ANK2: variants seen among roughly 807,000 people sequenced by gnomAD.
ANK2 encodes the protein ankyrin-2.
A neutral mutation model predicts 360.5 loss-of-function variants in ANK2; 83 were observed. The ratio of observed to expected loss-of-function variants is 0.23; its 90% CI spans 0.19 to 0.28. The LOEUF is 0.28. Ranked by LOEUF, ANK2 falls within the 10% of genes least tolerant of loss-of-function variation. The probability of loss-of-function intolerance (pLI) is 1.00; values close to 1 mark genes in which losing one functional copy is unlikely to be tolerated. For synonymous variants in ANK2, 1,740 were observed against 1,759.5 expected (o/e 0.99, Z 0.28); for missense variants, 4,201 against 4,795.7 (o/e 0.88, Z 3.66).
intron 10 of ANK2, among the ~76,000 whole-genome samples, chr4:113,250,571 A>G (rs1467575486): frequency 6.6e-6 from 1 of 152,194 alleles, no homozygotes; most frequent in Non-Finnish European, 1.5e-5. Context: ...TTATTATTGT[A>G]TAGTTCTCTA....
intron 2 of ANK2, among the ~76,000 whole-genome samples, chr4:112,943,090 T>G (rs558088909): frequency 2.0e-4 from 30 of 152,066 alleles, no homozygotes; most frequent in Non-Finnish European, 3.5e-4. Flanking sequence ...CCTTAATCTT[T>G]CTTTTTCTTT....
At chr4:113,143,377 T>C (rs947600991) in intron 1 of ANK2, among the ~76,000 whole-genome samples, 3 of 77,972 alleles carry the variant, frequency 3.8e-5, no homozygotes, top group Non-Finnish European at 8.0e-5. Flanking sequence ...AGCAAAATTA[T>C]TCATCTAGCA....
intron 2 of ANK2, among the ~76,000 whole-genome samples, chr4:113,025,823 T>C (rs995591889): frequency 6.6e-6 from 1 of 152,154 alleles, no homozygotes; most frequent in Admixed American, 6.6e-5. Context: ...TGTAGAGGTA[T>C]GGGTAGTATA....
intron 2 of ANK2, among the ~76,000 whole-genome samples, chr4:112,937,307 TTG>T (rs760792680): frequency 8.0e-5 from 12 of 150,660 alleles, no homozygotes; most frequent in Non-Finnish European, 1.3e-4. Flanking sequence ...TAGAATTTCT[TTG>T]TAAAACCACA....
chr4:113,009,375 C>T (rs2053981610), intron 2 of ANK2, among the ~76,000 whole-genome samples: 1 of 152,112 alleles, frequency 6.6e-6, no homozygotes, highest in Admixed American at 6.5e-5. Flanking sequence ...TTCTCATTCT[C>T]CATACCTTTT....
chr4:113,170,016 T>A (rs1212333841), intron 1 of ANK2, among the ~76,000 whole-genome samples: 1 of 152,206 alleles, frequency 6.6e-6, no homozygotes, highest in Admixed American at 6.5e-5. Context: ...AATACCTTTT[T>A]TGTAAGTATG....
intron 4 of ANK2, among the ~76,000 whole-genome samples, chr4:113,211,389 T>G (rs534617681): frequency 3.3e-5 from 5 of 152,302 alleles, no homozygotes; most frequent in Admixed American, 1.3e-4. Context: ...CATTTTGGAG[T>G]AAGTCTCCAC....
chr4:113,341,212 G>C (rs150047753), intron 32 of ANK2, among the ~76,000 whole-genome samples: 1 of 152,138 alleles, frequency 6.6e-6, no homozygotes. Flanking sequence ...AATAACGAGG[G>C]GAGGAAAAGC....
chr4:113,151,029 A>G (rs2097056727), intron 1 of ANK2: 1 of 1,242,786 alleles, frequency 8.0e-7, no homozygotes, highest in Non-Finnish European at 1.0e-6. Flanking sequence ...ATTAATGACT[A>G]GGAAATCACC....
chr4:113,122,271 G>C (rs2154372355), intron 1 of ANK2, among the ~76,000 whole-genome samples: 1 of 152,096 alleles, frequency 6.6e-6, no homozygotes, highest in East Asian at 1.9e-4. Context: ...TCTCATTTTT[G>C]AGCCTTCTGC....
chr4:113,339,256 T>A lies in ANK2; in HGVS notation c.3827T>A (p.Ile1276Asn). 6.2e-7 allele frequency: 1 copy of A among 1,613,980 alleles called. No individual in the cohort carries two copies. Among genetic ancestry groups the A allele is most frequent in the Non-Finnish European group, 8.5e-7 (1 of 1,179,972 alleles). The change falls in exon 32 of 46, where the codon ATT (isoleucine) becomes AAT (asparagine). Residue 1276 changes from isoleucine to asparagine, a missense_variant. Ile to Asn is a moderately radical substitution (Grantham distance 149). This residue lies in a region of ANK2 where 1,268 missense variants were observed against 1,650.8 expected (regional missense o/e 0.77). Transcript: ENST00000357077. ...ACCACCCCTGCCCAGTGGGAAGATA[T>A]TACAGGAACTACGCCATTAACATTT... ...GGTTPAQWED[I>N]TGTTPLTFVN...
chr4:113,051,997 A>T (rs1015597401), intron 1 of ANK2, among the ~76,000 whole-genome samples: 4 of 152,316 alleles, frequency 2.6e-5, no homozygotes, highest in South Asian at 4.1e-4. Context: ...GACAGAATCC[A>T]ATATTGGTGC....
At chr4:113,297,202 A>G (rs2072105699) in intron 22 of ANK2, among the ~76,000 whole-genome samples, 1 of 152,148 alleles carries the variant, frequency 6.6e-6, no homozygotes, top group South Asian at 2.1e-4. Context: ...ATATTTCAAC[A>G]TAACTAGAGA....
intron 2 of ANK2, among the ~76,000 whole-genome samples, chr4:112,976,716 T>A (rs930006565): frequency 6.6e-6 from 1 of 151,900 alleles, no homozygotes; most frequent in Non-Finnish European, 1.5e-5. Context: ...AGGTTTGCAC[T>A]TTTTTTTCCC....
intron 1 of ANK2, among the ~76,000 whole-genome samples, chr4:113,086,817 A>G (rs1044917755): frequency 1.3e-5 from 2 of 152,102 alleles, no homozygotes; most frequent in African/African-American, 4.8e-5. Flanking sequence ...CTGACAGAAA[A>G]ACAGCAAGTA....
chr4:113,291,558 T>C (rs2067588776), intron 20 of ANK2, among the ~76,000 whole-genome samples: 1 of 152,168 alleles, frequency 6.6e-6, no homozygotes, highest in Non-Finnish European at 1.5e-5. Context: ...ACATCTATAG[T>C]AGACAGAACA....
intron 1 of ANK2, among the ~76,000 whole-genome samples, chr4:113,148,255 A>G (rs1275951002): frequency 6.6e-6 from 1 of 152,174 alleles, no homozygotes; most frequent in African/African-American, 2.4e-5. Flanking sequence ...TGGTCTAAGT[A>G]TACTCTGTAT....
chr4:112,745,191 C>T, the ANK2 span, among the ~76,000 whole-genome samples: 134 of 152,230 alleles, frequency 8.8e-4, 9 homozygotes, highest in South Asian at 0.018. Context: ...CATACATTCA[C>T]CTATTATATA....
chr4:113,223,440 CTTA>C (rs2099174069), intron 4 of ANK2, among the ~76,000 whole-genome samples: 5 of 152,062 alleles, frequency 3.3e-5, no homozygotes, highest in Admixed American at 3.3e-4. Context: ...GGTTATGTAA[CTTA>C]TTGAGTGTGT....
Sources: gnomAD v4.1 joint callset for allele counts (sites outside exome capture counted in the v4.1 genomes callset) on GRCh38, gnomAD v4.1.1 for gene constraint, gnomAD v4.1.1 regional missense constraint, MANE v1.5 for transcripts, NCBI Gene and HGNC (gene_info 2026-07-23, HGNC 2026-07-21) for gene names.